The following PCDHGB1 variants were observed in gnomAD, a reference collection of about 807,000 sequenced individuals.
PCDHGB1 encodes protocadherin gamma subfamily B, 1, also known as protocadherin gamma-B1.
Under a neutral mutation model 56.6 loss-of-function variants are expected in PCDHGB1, and 34 were observed. That is an observed-to-expected ratio of 0.60 (90% confidence interval 0.46 to 0.80). The LOEUF (loss-of-function observed/expected upper bound fraction) is 0.80. PCDHGB1 is among the 30% of genes least tolerant of loss of function. PCDHGB1 has a pLI of 0.00. For missense variants in PCDHGB1, 1,278 were observed against 1,204.6 expected, an observed-to-expected ratio of 1.06 and a Z score of -0.90; for synonymous variants, 561 against 505.9, an observed-to-expected ratio of 1.11 and a Z score of -1.46.
intron 1 of PCDHGB1, chr5:141,416,834 C>T (rs966016844): frequency 4.6e-5 from 7 of 151,848 alleles, no homozygotes; most frequent in Non-Finnish European, 1.0e-4. Flanking sequence ...TTCTCAAGAC[C>T]CTTATAATTC....
chr5:141,374,348 A>G (rs756876853), intron 1 of PCDHGB1: 4 of 1,614,028 alleles, frequency 2.5e-6, no homozygotes, highest in Middle Eastern at 1.6e-4. Context: ...CACCGCGGGT[A>G]GGATAGACCG....
intron 1 of PCDHGB1, among the ~76,000 whole-genome samples, chr5:141,467,590 A>T (rs2099146863): frequency 6.6e-6 from 1 of 152,214 alleles, no homozygotes; most frequent in African/African-American, 2.4e-5. Context: ...AATGCCATTT[A>T]TTAAGCACTT....
chr5:141,477,262 C>A lies in PCDHGB1; in HGVS notation c.2410-17545C>A, dbSNP rs60063068. 1.2e-5 allele frequency: 19 copies of A among 1,614,020 alleles called. No homozygotes were observed. The East Asian group carries it at 4.2e-4, about 36-fold the overall frequency. On this transcript the variant is annotated intron_variant, in intron 1 of 3. Transcript: ENST00000523390. This position sits in a 1 kb window ranked among gnomAD's most constrained non-coding sequence, Gnocchi z 4.9. ...TCAGTGTGACTGACCTGGATGCTGG[C>A]GAGAACGGGCTGGTGACCTGCGAAG...
chr5:141,442,797 G>A (rs140116155), intron 1 of PCDHGB1, among the ~76,000 whole-genome samples: 1,916 of 152,222 alleles, frequency 0.013, 22 homozygotes, highest in Non-Finnish European at 0.02. Context: ...ATTTTACTTT[G>A]ATATTCAAAT....
Position 141,489,492 on chromosome 5 carries a change from G to T in PCDHGB1, c.2410-5315G>T, listed in dbSNP as rs1258376136. On this transcript the variant is annotated intron_variant, in intron 1 of 3. Coordinates refer to ENST00000523390, the MANE Select transcript of PCDHGB1 (RefSeq NM_018922.3). The surrounding 1 kb of genome is among the most constrained non-coding windows in gnomAD (Gnocchi z 4.5). ...CCCTGAGCTTGATGAGTGGTGCCCT[G>T]GCAGTGAATCAAAAGATTGACCGAG... 1 of 1,614,042 alleles carries T rather than the reference G, an allele frequency of 6.2e-7. No individual in the cohort carries two copies. The highest frequency in any genetic ancestry group is 1.1e-5 in the South Asian group (1 of 91,078).
chr5:141,430,715 A>G (rs1210053402), intron 1 of PCDHGB1: 3 of 1,483,264 alleles, frequency 2.0e-6, no homozygotes, highest in East Asian at 4.7e-5. Context: ...TCCTGACTTC[A>G]GTGGTTAAGG....
intron 1 of PCDHGB1, chr5:141,389,544 A>G (rs759523366): frequency 1.2e-6 from 2 of 1,613,260 alleles, no homozygotes; most frequent in Non-Finnish European, 1.7e-6. Context: ...GGACGACCGC[A>G]ACGACAATGC....
At chr5:141,397,810 A>G (rs2093570260) in intron 1 of PCDHGB1, among the ~76,000 whole-genome samples, 1 of 152,218 alleles carries the variant, frequency 6.6e-6, no homozygotes. Context: ...TAGGCACACA[A>G]AAACAATTAC....
intron 1 of PCDHGB1, chr5:141,364,511 G>A (rs371508186): frequency 2.5e-6 from 4 of 1,613,922 alleles, no homozygotes; most frequent in Non-Finnish European, 1.7e-6. Context: ...GGAGCTGGCG[G>A]AGCGCGGAGT....
intron 1 of PCDHGB1, chr5:141,389,409 A>G: frequency 6.2e-7 from 1 of 1,613,590 alleles, no homozygotes; most frequent in Admixed American, 1.7e-5. Context: ...AAGCGCGGAG[A>G]GCGGGGTGGT....
At chr5:141,452,076 G>A (rs978382005) in intron 1 of PCDHGB1, among the ~76,000 whole-genome samples, 3 of 152,092 alleles carry the variant, frequency 2.0e-5, no homozygotes, top group Non-Finnish European at 2.9e-5. Flanking sequence ...TTATTAGTTG[G>A]CATTATACAG....
intron 1 of PCDHGB1, chr5:141,420,411 T>C: frequency 8.1e-7 from 1 of 1,229,398 alleles, no homozygotes; most frequent in Non-Finnish European, 1.1e-6. Context: ...ATGGTTATCA[T>C]TATTAAAACA....
At chr5:141,412,527 A>G (rs1017506409) in intron 1 of PCDHGB1, 3 of 152,186 alleles carry the variant, frequency 2.0e-5, no homozygotes, top group Admixed American at 1.3e-4. Context: ...AGTAGTTACA[A>G]TTATAAAGCT....
At position 141,489,077 on chromosome 5, in the gene PCDHGB1, C is replaced by T. The variant is rs957205894; in HGVS notation, c.2410-5730C>T. 7 of 325,682 alleles carry T rather than the reference C, an allele frequency of 2.1e-5. 1 individual carries two copies. Among genetic ancestry groups the T allele is most frequent in the South Asian group, 1.5e-4 (3 of 20,214 alleles). 20.2% of individuals were successfully genotyped at this position (325,682 alleles called of 1,614,324 possible). The stretch of plus-strand genomic sequence containing the variant: ...AGCTCCCCTCCCCCCTGCCCACCCC[C>T]GCCACTCGGTGACTAAGAACTGCTG... On this transcript the variant is annotated intron_variant, in intron 1 of 3. Transcript: ENST00000523390. This position sits in a 1 kb window ranked among gnomAD's most constrained non-coding sequence, Gnocchi z 4.5.
intron 1 of PCDHGB1, chr5:141,408,349 C>T: frequency 6.2e-7 from 1 of 1,613,924 alleles, no homozygotes; most frequent in Non-Finnish European, 8.5e-7. Context: ...TGGTGGGGAA[C>T]CTCGCTAAGG....
chr5:141,425,962 C>T (rs2096906059), intron 1 of PCDHGB1, among the ~76,000 whole-genome samples: 2 of 152,236 alleles, frequency 1.3e-5, no homozygotes, highest in African/African-American at 2.4e-5. Flanking sequence ...TAGTCCAACA[C>T]ATCAGTCTAA....
At chr5:141,422,328 T>C (rs1561800810) in intron 1 of PCDHGB1, 4 of 1,548,502 alleles carry the variant, frequency 2.6e-6, no homozygotes, top group Non-Finnish European at 2.6e-6. Flanking sequence ...GTACAGTGAT[T>C]GCTCTTCTAA....
intron 1 of PCDHGB1, among the ~76,000 whole-genome samples, chr5:141,406,473 T>A (rs2094813817): frequency 6.6e-6 from 1 of 152,248 alleles, no homozygotes; most frequent in African/African-American, 2.4e-5. Context: ...CTCTTTGAGG[T>A]TATATTTTTC....
intron 1 of PCDHGB1, chr5:141,385,109 C>A: frequency 6.2e-7 from 1 of 1,614,174 alleles, no homozygotes; most frequent in South Asian, 1.1e-5. Flanking sequence ...AACGTGCCCA[C>A]CTCGCACTTT....
Sources: gnomAD v4.1 joint callset for allele counts (sites outside exome capture counted in the v4.1 genomes callset) on GRCh38, gnomAD v4.1.1 for gene constraint, Gnocchi (gnomAD v3.1) non-coding constraint, MANE v1.5 for transcripts, NCBI Gene and HGNC (gene_info 2026-07-23, HGNC 2026-07-21) for gene names.